PTPRK: variants seen among roughly 807,000 people sequenced by gnomAD.
The protein encoded by PTPRK is protein tyrosine phosphatase receptor type K.
PTPRK carries 75 observed loss-of-function variants against 178.0 expected under a neutral mutation model. The observed-to-expected ratio is 0.42, with a 90% CI of 0.35 to 0.51. The LOEUF (loss-of-function observed/expected upper bound fraction) is 0.51. Among genes scored for constraint, PTPRK ranks in the 20% least tolerant of loss-of-function variants. The probability of loss-of-function intolerance (pLI) is 0.02; values close to 1 mark genes in which losing one functional copy is unlikely to be tolerated. For synonymous variants in PTPRK, 637 were observed against 620.6 expected, an observed-to-expected ratio of 1.03 and a Z score of -0.39; for missense variants, 1,441 against 1,797.8, an observed-to-expected ratio of 0.80 and a Z score of 3.59.
At chr6:128,032,391 A>G (rs1775494223) in intron 13 of PTPRK, among the ~76,000 whole-genome samples, 1 of 152,170 alleles carries the variant, frequency 6.6e-6, no homozygotes, top group Non-Finnish European at 1.5e-5. Flanking sequence ...TGCGGTTCAG[A>G]TCAGCAACAG....
chr6:128,302,410 A>C (rs1404324841), intron 3 of PTPRK, among the ~76,000 whole-genome samples: 1 of 150,812 alleles, frequency 6.6e-6, no homozygotes, highest in Non-Finnish European at 1.5e-5. Flanking sequence ...AAAAAAAAAA[A>C]AAAAAAAGCC....
intron 6 of PTPRK, among the ~76,000 whole-genome samples, chr6:128,190,455 C>A (rs1470021860): frequency 8.1e-6 from 1 of 124,156 alleles, no homozygotes; most frequent in Non-Finnish European, 1.7e-5. Context: ...ATGTTAAAAT[C>A]TATTCTTAAA....
At chr6:128,154,207 ATT>A (rs1454769789) in intron 7 of PTPRK, among the ~76,000 whole-genome samples, 1 of 151,744 alleles carries the variant, frequency 6.6e-6, no homozygotes, top group African/African-American at 2.4e-5. Flanking sequence ...ATTGATATAT[ATT>A]AATAATTAAA....
chr6:128,010,352 A>G (rs1216996958), intron 13 of PTPRK, among the ~76,000 whole-genome samples: 5 of 151,284 alleles, frequency 3.3e-5, no homozygotes, highest in Admixed American at 6.6e-5. Flanking sequence ...TGGTGTCCAC[A>G]TGAACAGATA....
chr6:128,032,822 T>C (rs1244347748), intron 13 of PTPRK, among the ~76,000 whole-genome samples: 1 of 152,112 alleles, frequency 6.6e-6, no homozygotes, highest in Non-Finnish European at 1.5e-5. Context: ...TTAGTGCATA[T>C]TATATCATAT....
intron 9 of PTPRK, 30 bp from the exon 10 acceptor site, chr6:128,082,668 C>G: frequency 6.7e-7 from 1 of 1,482,606 alleles, no homozygotes; most frequent in Non-Finnish European, 9.3e-7. Flanking sequence ...TATTACATAT[C>G]TAGTATCCAT....
chr6:128,138,530 T>C (rs1424993893), intron 7 of PTPRK, among the ~76,000 whole-genome samples: 1 of 152,116 alleles, frequency 6.6e-6, no homozygotes, highest in African/African-American at 2.4e-5. Context: ...ATCTAAACCT[T>C]CCTCTGAAAG....
At chr6:128,091,044 C>A (rs543502920) in intron 7 of PTPRK, among the ~76,000 whole-genome samples, 66 of 152,214 alleles carry the variant, frequency 4.3e-4, no homozygotes, top group Non-Finnish European at 7.2e-4. Context: ...AAACAATCAG[C>A]ATGCTAAACA....
At chr6:128,318,405 T>A (rs749426281) in intron 3 of PTPRK, among the ~76,000 whole-genome samples, 1 of 152,188 alleles carries the variant, frequency 6.6e-6, no homozygotes, top group Non-Finnish European at 1.5e-5. Flanking sequence ...GAAAATCTCA[T>A]GCCTGTCAAT....
At chr6:128,034,376 T>C (rs530841169) in intron 13 of PTPRK, among the ~76,000 whole-genome samples, 1 of 152,350 alleles carries the variant, frequency 6.6e-6, no homozygotes, top group South Asian at 2.1e-4. Context: ...ACCACCACAA[T>C]GTTTAATACA....
At chr6:128,369,306 T>C (rs1476267308) in intron 2 of PTPRK, among the ~76,000 whole-genome samples, 2 of 152,082 alleles carry the variant, frequency 1.3e-5, no homozygotes, top group South Asian at 2.1e-4. Flanking sequence ...AAAATGAAAA[T>C]ATTCCATATG....
intron 6 of PTPRK, among the ~76,000 whole-genome samples, chr6:128,207,912 A>C (rs76493510): frequency 2.7e-4 from 41 of 152,202 alleles, no homozygotes; most frequent in Non-Finnish European, 5.6e-4. Context: ...GTTTTAATTC[A>C]GCTCCATCTG....
At chr6:128,234,660 T>G (rs11968433) in intron 5 of PTPRK, among the ~76,000 whole-genome samples, 9,666 of 152,266 alleles carry the variant, frequency 0.063, 799 homozygotes, top group African/African-American at 0.19. Flanking sequence ...CAGCAGTTCA[T>G]TCTTTTATTG....
intron 6 of PTPRK, among the ~76,000 whole-genome samples, chr6:128,193,749 C>T (rs1207244041): frequency 6.6e-6 from 1 of 152,084 alleles, no homozygotes; most frequent in Non-Finnish European, 1.5e-5. Context: ...ATATCCTATG[C>T]ATTACCATGG....
At chr6:128,198,938 T>G (rs553140038) in intron 6 of PTPRK, among the ~76,000 whole-genome samples, 1 of 152,272 alleles carries the variant, frequency 6.6e-6, no homozygotes, top group African/African-American at 2.4e-5. Flanking sequence ...ATAAAAGTAT[T>G]AACATAAGAA....
At chr6:128,344,841 T>C (rs548786361) in intron 2 of PTPRK, among the ~76,000 whole-genome samples, 21 of 152,196 alleles carry the variant, frequency 1.4e-4, no homozygotes, top group African/African-American at 4.8e-4. Context: ...AAGAGGACTT[T>C]TGTCTGCACT....
At chr6:128,460,308 T>A (rs780519696) in intron 1 of PTPRK, among the ~76,000 whole-genome samples, 1 of 151,880 alleles carries the variant, frequency 6.6e-6, no homozygotes, top group Non-Finnish European at 1.5e-5. Flanking sequence ...CTTTGGAAGG[T>A]CAAGGTGGGA....
intron 5 of PTPRK, among the ~76,000 whole-genome samples, chr6:128,229,804 C>T (rs979535292): frequency 1.8e-4 from 28 of 152,216 alleles, no homozygotes; most frequent in African/African-American, 6.7e-4. Flanking sequence ...AAGAGTAAGT[C>T]ATCTTTGCAG....
intron 1 of PTPRK, among the ~76,000 whole-genome samples, chr6:128,476,701 GTTCATAGTTAAGAAAACAAT>G (rs1243147356): frequency 6.6e-6 from 1 of 151,740 alleles, no homozygotes; most frequent in African/African-American, 2.4e-5. Context: ...ATTTAGTCTC[GTTCATAGTTAAGAAAACAAT>G]TTCATTTTGG....
Sources: gnomAD v4.1 joint callset for allele counts (sites outside exome capture counted in the v4.1 genomes callset) on GRCh38, gnomAD v4.1.1 for gene constraint, MANE v1.5 for transcripts, NCBI Gene and HGNC (gene_info 2026-07-23, HGNC 2026-07-21) for gene names.